PCDHA11: variants seen among roughly 807,000 people sequenced by gnomAD.
PCDHA11 encodes the protein protocadherin alpha-11.
Under a neutral mutation model 70.3 loss-of-function variants are expected in PCDHA11, and 61 were observed. The observed-to-expected ratio is 0.87, with a 90% confidence interval of 0.71 to 1.07. The LOEUF (loss-of-function observed/expected upper bound fraction) is 1.07, where lower values mean the gene tolerates loss of function less well. Among genes scored for constraint, PCDHA11 ranks in the 50% least tolerant of loss-of-function variants. The pLI is 0.00. For synonymous variants in PCDHA11, 633 were observed against 555.1 expected (o/e 1.14, Z -1.97); for missense variants, 1,324 against 1,237.5 (o/e 1.07, Z -1.05).
chr5:140,873,097 A>G (rs578070341), intron 1 of PCDHA11, among the ~76,000 whole-genome samples: 173 of 152,330 alleles, frequency 1.1e-3, no homozygotes, highest in African/African-American at 4.0e-3. Context: ...GTATAGAGGC[A>G]TAACATACCA....
chr5:140,883,242 A>C (rs1562785855), intron 1 of PCDHA11: 2 of 1,614,066 alleles, frequency 1.2e-6, no homozygotes, highest in Non-Finnish European at 1.7e-6. Context: ...GCAGTTGACA[A>C]AGGAAATATT....
chr5:140,935,172 A>G (rs1278781509), intron 1 of PCDHA11, among the ~76,000 whole-genome samples: 34 of 152,164 alleles, frequency 2.2e-4, no homozygotes, highest in Admixed American at 2.1e-3. Context: ...AGGTGTGCTT[A>G]TTGCTGCTGG....
intron 1 of PCDHA11, among the ~76,000 whole-genome samples, chr5:140,919,772 A>G (rs1421766938): frequency 6.6e-6 from 1 of 152,102 alleles, no homozygotes; most frequent in Non-Finnish European, 1.5e-5. Context: ...TATTACTGTT[A>G]CACATATTAC....
At chr5:140,911,518 T>C (rs531265598) in intron 1 of PCDHA11, among the ~76,000 whole-genome samples, 1 of 152,346 alleles carries the variant, frequency 6.6e-6, no homozygotes, top group East Asian at 1.9e-4. Flanking sequence ...TATCTGCTTC[T>C]GAAGCTAGGA....
At chr5:140,975,283 A>G (rs1554236730) in intron 1 of PCDHA11, among the ~76,000 whole-genome samples, 1 of 152,122 alleles carries the variant, frequency 6.6e-6, no homozygotes, top group Non-Finnish European at 1.5e-5. Context: ...TGACCTCTAG[A>G]CCCAGATTTA....
At chr5:140,897,356 CCA>C (rs2066046729) in intron 1 of PCDHA11, among the ~76,000 whole-genome samples, 1 of 134,770 alleles carries the variant, frequency 7.4e-6, no homozygotes, top group South Asian at 2.4e-4. Context: ...ACAACTGTCC[CCA>C]GAGTGTGATG....
chr5:140,882,352 T>A, intron 1 of PCDHA11: 1 of 1,614,166 alleles, frequency 6.2e-7, no homozygotes, highest in Non-Finnish European at 8.5e-7. Context: ...AGACGGGTAG[T>A]GGCCAGCTCC....
At chr5:140,919,127 T>A (rs2079016296) in intron 1 of PCDHA11, among the ~76,000 whole-genome samples, 1 of 152,192 alleles carries the variant, frequency 6.6e-6, no homozygotes, top group East Asian at 1.9e-4. Flanking sequence ...TTGCTTCATG[T>A]GTTTTGGGGC....
intron 1 of PCDHA11, chr5:140,927,510 G>A: frequency 1.9e-6 from 3 of 1,614,090 alleles, no homozygotes; most frequent in Non-Finnish European, 2.5e-6. Flanking sequence ...TTACAGCTCG[G>A]GACGGCGGGC....
chr5:140,897,174 G>C (rs1356780883), intron 1 of PCDHA11, among the ~76,000 whole-genome samples: 1 of 151,818 alleles, frequency 6.6e-6, no homozygotes, highest in Non-Finnish European at 1.5e-5. Context: ...TATCTCCATG[G>C]GTTCAAAAAA....
intron 1 of PCDHA11, among the ~76,000 whole-genome samples, chr5:140,951,214 T>C (rs994639576): frequency 1.3e-5 from 2 of 152,218 alleles, no homozygotes; most frequent in African/African-American, 2.4e-5. Context: ...ATCTCAGGTT[T>C]GGATTCTTGA....
intron 1 of PCDHA11, chr5:140,968,823 A>T (rs569036779): frequency 1.2e-6 from 2 of 1,614,192 alleles, no homozygotes; most frequent in Non-Finnish European, 8.5e-7. Context: ...AGGGTTTCCA[A>T]AATCCTCCCT....
intron 1 of PCDHA11, among the ~76,000 whole-genome samples, chr5:140,904,727 A>G (rs953402398): frequency 7.2e-5 from 11 of 151,992 alleles, no homozygotes; most frequent in African/African-American, 2.4e-4. Flanking sequence ...GCCAACATCT[A>G]TTATTTTTTT....
At chr5:140,875,412 A>G in intron 1 of PCDHA11, 4 of 1,505,550 alleles carry the variant, frequency 2.7e-6, no homozygotes, top group Non-Finnish European at 3.5e-6. Context: ...CTCATAAAAT[A>G]CCTCAGGCAA....
At position 140,869,819 on chromosome 5, in the gene PCDHA11, A is replaced by G; in HGVS notation, c.716A>G (p.Asp239Gly). ...CAAGTCTTGGATGTCAACGACAATG[A>G]TCCAGAGTTTGATAAATCAGAATAT... The part of the protein sequence containing the change: ...LVQVLDVNDN[D>G]PEFDKSEYKV... The change falls in exon 1 of 4, where the codon GAT becomes GGT. Residue 239 changes from aspartate to glycine, a missense_variant. By Grantham distance (94) the Asp-to-Gly change is moderately conservative. Coordinates refer to ENST00000398640, the MANE Select transcript of PCDHA11 (RefSeq NM_018902.5). 6.2e-7 allele frequency: 1 copy of G among 1,612,282 alleles called. No individual in the cohort carries two copies. Among genetic ancestry groups the G allele is most frequent in the Non-Finnish European group, 8.5e-7 (1 of 1,179,202 alleles).
intron 1 of PCDHA11, chr5:140,883,340 C>T (rs2059560429): frequency 6.2e-7 from 1 of 1,614,140 alleles, no homozygotes; most frequent in Non-Finnish European, 8.5e-7. Flanking sequence ...TTTGTCACTC[C>T]CCATCAGAGA....
At chr5:140,889,257 A>G (rs946372435) in intron 1 of PCDHA11, among the ~76,000 whole-genome samples, 1 of 151,854 alleles carries the variant, frequency 6.6e-6, no homozygotes, top group Non-Finnish European at 1.5e-5. Flanking sequence ...TTTCCTGTAA[A>G]AGTTTGTATA....
chr5:140,945,992 G>T (rs1271634546), intron 1 of PCDHA11, among the ~76,000 whole-genome samples: 1 of 151,978 alleles, frequency 6.6e-6, no homozygotes, highest in Non-Finnish European at 1.5e-5. Flanking sequence ...CTAATGGATT[G>T]CATCAAACTA....
Position 140,870,805 on chromosome 5 carries a change from C to T in PCDHA11, c.1702C>T (p.Gln568Ter). The change falls in exon 1 of 4, where the codon CAG becomes TAG. Residue 568 changes from glutamine to a stop codon, truncating the protein, a stop_gained. Transcript: ENST00000398640. LOFTEE classifies it high-confidence loss of function. Reference protein sequence around the residue: ...NDNAPALLATQAGSAGGAVNK... With the variant: ...NDNAPALLAT The stretch of plus-strand genomic sequence containing the variant: ...CAACGCGCCGGCACTGCTGGCGACT[C>T]AGGCTGGCAGCGCGGGAGGCGCAGT... The T allele has an allele frequency of 2.5e-6, 4 of 1,613,712 alleles. No individual in the cohort carries two copies. The highest frequency in any genetic ancestry group is 3.4e-6 in the Non-Finnish European group (4 of 1,179,888).
Sources: allele counts gnomAD v4.1 joint callset (sites outside exome capture counted in the v4.1 genomes callset), GRCh38; gene constraint gnomAD v4.1.1; transcripts MANE v1.5; gene names NCBI Gene and HGNC (gene_info 2026-07-23, HGNC 2026-07-21).